TMEM232: variants seen among roughly 807,000 people sequenced by gnomAD.
TMEM232 encodes the protein transmembrane protein 232.
TMEM232 carries 80 observed loss-of-function variants against 78.8 expected under a neutral mutation model. The observed-to-expected ratio is 1.01, with a 90% CI of 0.85 to 1.22. TMEM232 has a LOEUF of 1.22. Ranked by LOEUF, TMEM232 falls within the 50% of genes most tolerant of loss-of-function variation. The pLI is 0.00. For missense variants in TMEM232, 881 were observed against 742.2 expected, an observed-to-expected ratio of 1.19 and a Z score of -2.17; for synonymous variants, 297 against 254.3, an observed-to-expected ratio of 1.17 and a Z score of -1.60.
chr5:110,602,084 G>A (rs1253295150), intron 10 of TMEM232, among the ~76,000 whole-genome samples: 2 of 152,148 alleles, frequency 1.3e-5, no homozygotes, highest in African/African-American at 2.4e-5. Flanking sequence ...GGGAAAACTG[G>A]CTAGCCGTAT....
At chr5:110,708,620 T>C (rs1338624153) in intron 1 of TMEM232, among the ~76,000 whole-genome samples, 2 of 152,182 alleles carry the variant, frequency 1.3e-5, no homozygotes, top group Admixed American at 6.5e-5. Context: ...TCTTTTTGTA[T>C]GTTTATTTCA....
chr5:110,733,623 G>A (rs1327585357), intron 2 of TMEM232, among the ~76,000 whole-genome samples: 1 of 152,116 alleles, frequency 6.6e-6, no homozygotes, highest in East Asian at 1.9e-4. Flanking sequence ...ATAAGTGGAA[G>A]CTAAATGATG....
intron 11 of TMEM232, among the ~76,000 whole-genome samples, chr5:110,562,297 C>A (rs912888868): frequency 2.0e-4 from 30 of 152,076 alleles, no homozygotes; most frequent in Non-Finnish European, 1.3e-4. Context: ...CATGAATGCT[C>A]AATCCAAGCT....
intron 2 of TMEM232, among the ~76,000 whole-genome samples, chr5:110,733,753 G>A (rs1176434916): frequency 2.0e-5 from 3 of 152,152 alleles, no homozygotes; most frequent in Non-Finnish European, 2.9e-5. Flanking sequence ...GTACCTGGGT[G>A]ATGAAATAAC....
At chr5:110,553,071 C>T (rs961532589) in intron 11 of TMEM232, among the ~76,000 whole-genome samples, 8 of 152,068 alleles carry the variant, frequency 5.3e-5, no homozygotes, top group Non-Finnish European at 1.0e-4. Context: ...TTTCTAGGTT[C>T]TCTATCTTGT....
intron 10 of TMEM232, among the ~76,000 whole-genome samples, chr5:110,569,457 A>C (rs1444702991): frequency 1.3e-5 from 2 of 151,872 alleles, no homozygotes; most frequent in Non-Finnish European, 2.9e-5. Context: ...GAAGAGATGA[A>C]CTTAGCCAAA....
chr5:110,398,781 C>T (rs1311852255), intron 2 of TMEM232, among the ~76,000 whole-genome samples: 1 of 152,008 alleles, frequency 6.6e-6, no homozygotes, highest in Non-Finnish European at 1.5e-5. Flanking sequence ...TAGAATTTCT[C>T]CAGTAAACAT....
chr5:110,672,726 G>GA (rs903832083), intron 1 of TMEM232, among the ~76,000 whole-genome samples: 19 of 152,070 alleles, frequency 1.2e-4, no homozygotes, highest in African/African-American at 4.1e-4. Context: ...TCAACTTTCA[G>GA]AAAAAAATAT....
chr5:110,697,718 C>A (rs182440095), intron 1 of TMEM232, among the ~76,000 whole-genome samples: 1 of 152,170 alleles, frequency 6.6e-6, no homozygotes, highest in Non-Finnish European at 1.5e-5. Flanking sequence ...CACTGGCCAT[C>A]AGAGAAATGC....
At position 110,420,416 on chromosome 5, in the gene TMEM232, C is replaced by CTATT. The variant is rs1756513980; in HGVS notation, c.*160_*163dup. The CTATT allele has an allele frequency of 2.0e-6, 1 of 502,322 alleles. No individual in the cohort carries two copies. Among genetic ancestry groups the CTATT allele is most frequent in the Non-Finnish European group, 3.3e-6 (1 of 299,144 alleles). The allele number at this position is 502,322 out of a possible 1,614,324, so 31.1% of individuals were successfully genotyped here. On this transcript the variant is annotated 3_prime_UTR_variant, in exon 14 of 14. Coordinates refer to ENST00000455884, the MANE Select transcript of TMEM232 (RefSeq NM_001039763.4). Reference sequence around the variant, plus strand: ...TCATTAATTTAGAACTAAGAAATAACTATTAAACAAACAGCTTGTATCAGG... The same window carrying CTATT: ...TCATTAATTTAGAACTAAGAAATAACTATTTATTAAACAAACAGCTTGTATCAGG...
chr5:110,438,968 A>G (rs1393574564), intron 12 of TMEM232, among the ~76,000 whole-genome samples: 2 of 152,170 alleles, frequency 1.3e-5, no homozygotes, highest in African/African-American at 4.8e-5. Flanking sequence ...CAGGAGGTTA[A>G]AAAATAGATA....
intron 12 of TMEM232, among the ~76,000 whole-genome samples, chr5:110,523,504 C>A (rs555837355): frequency 6.6e-6 from 1 of 151,850 alleles, no homozygotes; most frequent in Non-Finnish European, 1.5e-5. Context: ...TTTTTTAATG[C>A]ATTTAACAAA....
intron 2 of TMEM232, among the ~76,000 whole-genome samples, chr5:110,732,216 G>C (rs1215681748): frequency 6.6e-6 from 1 of 152,170 alleles, no homozygotes; most frequent in Non-Finnish European, 1.5e-5. Flanking sequence ...TTTTGTCAAA[G>C]CCACTGACAA....
chr5:110,693,087 G>C (rs911355338), intron 1 of TMEM232, among the ~76,000 whole-genome samples: 4 of 152,130 alleles, frequency 2.6e-5, no homozygotes, highest in African/African-American at 9.7e-5. Context: ...ACATGGCCGG[G>C]TACTCCTCTG....
intron 1 of TMEM232, among the ~76,000 whole-genome samples, chr5:110,680,795 G>A (rs914647658): frequency 2.6e-5 from 4 of 152,138 alleles, no homozygotes; most frequent in East Asian, 1.9e-4. Flanking sequence ...TGAGGAAGGG[G>A]GTTCAGAAGG....
chr5:110,543,287 T>C (rs1773387151), intron 11 of TMEM232, among the ~76,000 whole-genome samples: 1 of 152,300 alleles, frequency 6.6e-6, no homozygotes, highest in East Asian at 1.9e-4. Flanking sequence ...TTCCCACATC[T>C]TTCTCTATGA....
intron 10 of TMEM232, among the ~76,000 whole-genome samples, chr5:110,591,245 G>A (rs1383911146): frequency 2.6e-5 from 4 of 152,030 alleles, no homozygotes; most frequent in Non-Finnish European, 5.9e-5. Flanking sequence ...ATCACTTACC[G>A]CCAGGAGTTT....
At chr5:110,529,200 CT>C (rs556085881) in intron 11 of TMEM232, among the ~76,000 whole-genome samples, 300 of 151,672 alleles carry the variant, frequency 2.0e-3, no homozygotes, top group African/African-American at 7.0e-3. Context: ...TTAAATCAGA[CT>C]TTTTTTTAAT....
chr5:110,391,336 A>T (rs1445964756), intron 3 of TMEM232, among the ~76,000 whole-genome samples: 1 of 147,328 alleles, frequency 6.8e-6, no homozygotes, highest in Non-Finnish European at 1.5e-5. Flanking sequence ...TGAGAGAGAG[A>T]GAGAGAGAGA....
Sources: gnomAD v4.1 joint callset for allele counts (sites outside exome capture counted in the v4.1 genomes callset) on GRCh38, gnomAD v4.1.1 for gene constraint, MANE v1.5 for transcripts, NCBI Gene and HGNC (gene_info 2026-07-23, HGNC 2026-07-21) for gene names.